Variants in RBFOX1 observed in about 807,000 individuals in gnomAD.
RBFOX1 encodes the protein RNA binding fox-1 homolog 1.
In RBFOX1, 8 loss-of-function variants were observed where a neutral mutation model predicts 57.7. That is an observed-to-expected ratio of 0.14 (90% confidence interval 0.08 to 0.25). The LOEUF is 0.25. Ranked by LOEUF, RBFOX1 falls within the 10% of genes least tolerant of loss-of-function variation. The probability of loss-of-function intolerance (pLI) is 1.00; values close to 1 mark genes in which losing one functional copy is unlikely to be tolerated. For synonymous variants in RBFOX1, 326 were observed against 222.4 expected (o/e 1.47, Z -4.15); for missense variants, 611 against 548.5 (o/e 1.11, Z -1.14).
intron 2 of RBFOX1, among the ~76,000 whole-genome samples, chr16:5,571,608 C>T (rs952111136): frequency 9.2e-5 from 14 of 152,150 alleles, no homozygotes; most frequent in African/African-American, 3.4e-4. Flanking sequence ...TGAGTGCAGT[C>T]ACTTCCTGGC....
intron 1 of RBFOX1, among the ~76,000 whole-genome samples, chr16:6,226,292 G>A (rs565240785): frequency 5.0e-5 from 7 of 140,962 alleles, no homozygotes; most frequent in East Asian, 2.2e-4. Flanking sequence ...AGAATCACTT[G>A]AACCCGGGAG....
At chr16:7,437,318 G>C (rs2098730739) in intron 4 of RBFOX1, among the ~76,000 whole-genome samples, 1 of 151,262 alleles carries the variant, frequency 6.6e-6, no homozygotes, top group African/African-American at 2.4e-5. Context: ...CCCACTTTGA[G>C]GGTGGGGGAG....
intron 3 of RBFOX1, among the ~76,000 whole-genome samples, chr16:6,863,925 C>T (rs190891137): frequency 2.0e-5 from 3 of 151,224 alleles, no homozygotes; most frequent in Admixed American, 2.0e-4. Flanking sequence ...TTCCTTCACA[C>T]TTTGTGCTCC....
At chr16:6,810,148 G>C (rs2088095373) in intron 3 of RBFOX1, among the ~76,000 whole-genome samples, 1 of 152,052 alleles carries the variant, frequency 6.6e-6, no homozygotes, top group African/African-American at 2.4e-5. Context: ...TTATGGACAG[G>C]GATAGGGATT....
At chr16:5,879,569 A>G (rs2057709807) in intron 4 of RBFOX1, among the ~76,000 whole-genome samples, 1 of 152,168 alleles carries the variant, frequency 6.6e-6, no homozygotes, top group Non-Finnish European at 1.5e-5. Flanking sequence ...ACCTCAGGTG[A>G]TCTGCCTCTT....
chr16:7,599,992 T>A (rs530191880), intron 9 of RBFOX1, among the ~76,000 whole-genome samples: 32 of 152,204 alleles, frequency 2.1e-4, no homozygotes, highest in Admixed American at 1.0e-3. Flanking sequence ...CCTGTGTGTA[T>A]CAGGCATCGC....
chr16:7,407,833 A>G (rs2098372713), intron 4 of RBFOX1, among the ~76,000 whole-genome samples: 2 of 152,072 alleles, frequency 1.3e-5, no homozygotes, highest in African/African-American at 4.8e-5. Flanking sequence ...GGGGTGGGAA[A>G]ACTATGGCCC....
intron 3 of RBFOX1, among the ~76,000 whole-genome samples, chr16:5,606,727 G>C (rs186116243): frequency 6.6e-5 from 10 of 152,304 alleles, no homozygotes; most frequent in East Asian, 5.8e-4. Flanking sequence ...AGTGCAAACA[G>C]GTAGGGAAGG....
chr16:5,862,072 T>C (rs1324877282), intron 3 of RBFOX1, among the ~76,000 whole-genome samples: 2 of 152,148 alleles, frequency 1.3e-5, no homozygotes, highest in East Asian at 3.9e-4. Context: ...AACCTCCACA[T>C]GTGTGTCATT....
chr16:7,229,196 G>A (rs751102615), intron 4 of RBFOX1, among the ~76,000 whole-genome samples: 1 of 152,072 alleles, frequency 6.6e-6, no homozygotes, highest in Non-Finnish European at 1.5e-5. Context: ...AGAAAGCGTC[G>A]GCCTTAAACA....
At chr16:5,580,372 AGCCTGGCACCATTT>A (rs2046624391) in intron 2 of RBFOX1, among the ~76,000 whole-genome samples, 1 of 152,192 alleles carries the variant, frequency 6.6e-6, no homozygotes, top group Non-Finnish European at 1.5e-5. Flanking sequence ...CGTGGGTCTC[AGCCTGGCACCATTT>A]TCCGAGGGGT....
intron 4 of RBFOX1, among the ~76,000 whole-genome samples, chr16:7,103,306 T>G (rs1423152690): frequency 1.3e-5 from 2 of 152,164 alleles, no homozygotes; most frequent in Non-Finnish European, 2.9e-5. Context: ...CAAGTCAGTA[T>G]AGCAATGAGT....
intron 3 of RBFOX1, among the ~76,000 whole-genome samples, chr16:6,670,637 A>T (rs2098758200): frequency 6.6e-6 from 1 of 152,188 alleles, no homozygotes; most frequent in Admixed American, 6.5e-5. Context: ...CTATCTACTA[A>T]AATTAGCCAG....
chr16:7,579,693 T>A (rs1021583414), intron 5 of RBFOX1, 84 bp from the exon 6 acceptor site: 3 of 1,542,942 alleles, frequency 1.9e-6, no homozygotes, highest in Non-Finnish European at 1.8e-6. Context: ...GATCTTTTCC[T>A]GCCACTCATG....
At chr16:5,618,274 G>A (rs2048100616) in intron 3 of RBFOX1, among the ~76,000 whole-genome samples, 2 of 152,178 alleles carry the variant, frequency 1.3e-5, no homozygotes, top group African/African-American at 4.8e-5. Flanking sequence ...TGATGGCTGT[G>A]TGGGTATATG....
intron 14 of RBFOX1, among the ~76,000 whole-genome samples, chr16:7,692,799 C>G (rs1034353145): frequency 2.0e-5 from 3 of 152,010 alleles, no homozygotes; most frequent in Admixed American, 1.3e-4. Flanking sequence ...TCTCTTAGCT[C>G]TATGTAGCAA....
chr16:7,296,128 T>C (rs958982719), intron 4 of RBFOX1, among the ~76,000 whole-genome samples: 6 of 151,958 alleles, frequency 3.9e-5, no homozygotes, highest in South Asian at 2.1e-4. Flanking sequence ...CACAGACTCA[T>C]TGGATTCTGT....
At chr16:7,670,739 G>A (rs952060850) in intron 13 of RBFOX1, among the ~76,000 whole-genome samples, 8 of 152,122 alleles carry the variant, frequency 5.3e-5, no homozygotes, top group East Asian at 3.9e-4. Context: ...TATAGGGTAC[G>A]TCCCTCAGTC....
At chr16:7,377,005 G>C (rs1042131885) in intron 4 of RBFOX1, among the ~76,000 whole-genome samples, 1 of 152,182 alleles carries the variant, frequency 6.6e-6, no homozygotes, top group African/African-American at 2.4e-5. Flanking sequence ...TGGAAAAGCA[G>C]TGATTTCCAT....
Sources: gnomAD v4.1 joint callset for allele counts (sites outside exome capture counted in the v4.1 genomes callset) on GRCh38, gnomAD v4.1.1 for gene constraint, MANE v1.5 for transcripts, NCBI Gene and HGNC (gene_info 2026-07-23, HGNC 2026-07-21) for gene names.